VTCN1: variants seen among roughly 807,000 people sequenced by gnomAD.
VTCN1 encodes V-set domain-containing T-cell activation inhibitor 1.
VTCN1 carries 26 observed loss-of-function variants against 26.5 expected under a neutral mutation model. The ratio of observed to expected loss-of-function variants is 0.98; its 90% confidence interval spans 0.72 to 1.36. VTCN1 has a LOEUF of 1.36. Among genes scored for constraint, VTCN1 ranks in the 40% most tolerant of loss-of-function variants. VTCN1 has a pLI of 0.00. For synonymous variants in VTCN1, 116 were observed against 130.7 expected (o/e 0.89, Z 0.77); for missense variants, 298 against 337.7 (o/e 0.88, Z 0.92).
At chr1:117,208,775 G>C (rs1450631355) in intron 1 of VTCN1, among the ~76,000 whole-genome samples, 1 of 152,178 alleles carries the variant, frequency 6.6e-6, no homozygotes, top group Non-Finnish European at 1.5e-5. Flanking sequence ...TTCCATCCCT[G>C]AGCAGCATGC....
rs1647287649 is a variant in VTCN1 at position 117,175,503 on chromosome 1, T to C, written c.33-5332A>G. Among the ~76,000 whole-genome samples the C allele has an allele frequency of 6.6e-6, 1 of 152,186 alleles. No homozygotes were observed. Among genetic ancestry groups the C allele is most frequent in the African/African-American group, 2.4e-5 (1 of 41,458 alleles). On this transcript the variant is annotated intron_variant, in intron 1 of 5. Coordinates refer to ENST00000369458, the MANE Select transcript of VTCN1 (RefSeq NM_024626.4). This position sits in a 1 kb window ranked among gnomAD's most constrained non-coding sequence, Gnocchi z 4.2. ...GATGTTCATTCAAAAAAATTCTTTTTCATAAAATAAAAATAGAACTGAAAG... is the reference window on the plus strand; with the variant it reads ...GATGTTCATTCAAAAAAATTCTTTTCCATAAAATAAAAATAGAACTGAAAG...
intron 2 of VTCN1, 23 bp from the exon 3 acceptor site, chr1:117,156,944 C>G: frequency 6.2e-7 from 1 of 1,613,808 alleles, no homozygotes; most frequent in Non-Finnish European, 8.5e-7. Context: ...AAGCAAAGAT[C>G]AATGCTAAGG....
At chr1:117,163,644 A>G (rs1379041225) in intron 2 of VTCN1, among the ~76,000 whole-genome samples, 3 of 152,180 alleles carry the variant, frequency 2.0e-5, no homozygotes, top group Non-Finnish European at 2.9e-5. Flanking sequence ...TGGCTTGCCG[A>G]ATGCCTTGGA....
chr1:117,145,518 C>T lies in VTCN1; in HGVS notation c.*46-293G>A, dbSNP rs377722205. Among the ~76,000 whole-genome samples, 51 of 152,284 alleles carry T rather than the reference C, an allele frequency of 3.3e-4. No individual in the cohort carries two copies. The highest frequency in any genetic ancestry group is 1.0e-3 in the African/African-American group (43 of 41,560). ...AACTGAGAGGAGTCTGGGCAGGCTC[C>T]TGAATAGAGGTGGAAAGGTGGTTTC... is the stretch of plus-strand genomic sequence containing the variant. On this transcript the variant is annotated intron_variant, in intron 5 of 5. Coordinates refer to ENST00000369458, the MANE Select transcript of VTCN1 (RefSeq NM_024626.4). The surrounding 1 kb of genome is among the most constrained non-coding windows in gnomAD (Gnocchi z 4.6).
intron 4 of VTCN1, among the ~76,000 whole-genome samples, chr1:117,148,509 C>A (rs916271846): frequency 7.9e-5 from 12 of 152,214 alleles, no homozygotes; most frequent in African/African-American, 2.9e-4. Flanking sequence ...GCCAACATCA[C>A]TCAAGCCTAA....
At chr1:117,171,370 G>A (rs558196437) in intron 1 of VTCN1, among the ~76,000 whole-genome samples, 1 of 152,318 alleles carries the variant, frequency 6.6e-6, no homozygotes, top group Non-Finnish European at 1.5e-5. Flanking sequence ...TATATACCCA[G>A]TAATGGGATT....
Position 117,175,626 on chromosome 1 carries a change from T to C in VTCN1, c.33-5455A>G, listed in dbSNP as rs1371892193. On this transcript the variant is annotated intron_variant, in intron 1 of 5. Coordinates refer to ENST00000369458, the MANE Select transcript of VTCN1 (RefSeq NM_024626.4). The surrounding 1 kb of genome is among the most constrained non-coding windows in gnomAD (Gnocchi z 4.2). ...GGCATGTGAACCAACACAACGTCCA[T>C]GTTGTCCTGCCATCATTCCCGTTTT... Among the ~76,000 whole-genome samples the C allele has an allele frequency of 2.6e-5, 4 of 152,224 alleles. No homozygotes were observed. The highest frequency in any genetic ancestry group is 9.6e-5 in the African/African-American group (4 of 41,458).
At chr1:117,158,293 C>A (rs1652192662) in intron 2 of VTCN1, among the ~76,000 whole-genome samples, 1 of 152,230 alleles carries the variant, frequency 6.6e-6, no homozygotes, top group South Asian at 2.1e-4. Flanking sequence ...CCCACTCCTG[C>A]AGCAATCTTC....
chr1:117,162,928 G>A (rs1052488375), intron 2 of VTCN1, among the ~76,000 whole-genome samples: 2 of 152,210 alleles, frequency 1.3e-5, no homozygotes, highest in Non-Finnish European at 2.9e-5. Context: ...GCTGTCCTTT[G>A]AAATGACTCA....
intron 1 of VTCN1, among the ~76,000 whole-genome samples, chr1:117,202,887 G>A (rs1444323185): frequency 1.3e-5 from 2 of 152,220 alleles, no homozygotes; most frequent in Admixed American, 1.3e-4. Flanking sequence ...GAAAAAAAGA[G>A]AGATGGGGTG....
At chr1:117,162,746 A>G in intron 2 of VTCN1, among the ~76,000 whole-genome samples, 1 of 152,146 alleles carries the variant, frequency 6.6e-6, no homozygotes, top group East Asian at 1.9e-4. Flanking sequence ...CAGGGGCAAG[A>G]CGAAACCTGA....
chr1:117,185,428 A>T (rs182640513), intron 1 of VTCN1, among the ~76,000 whole-genome samples: 159 of 152,360 alleles, frequency 1.0e-3, no homozygotes, highest in African/African-American at 1.4e-3. Flanking sequence ...TGTCCTGATC[A>T]GTGCCAAAGT....
intron 4 of VTCN1, among the ~76,000 whole-genome samples, chr1:117,149,343 A>G (rs539432707): frequency 1.3e-5 from 2 of 151,152 alleles, no homozygotes; most frequent in Non-Finnish European, 2.9e-5. Context: ...TATCCTGGGT[A>G]GAAATATCAA....
Position 117,167,965 on chromosome 1 carries a change from A to G in VTCN1, c.97+2142T>C, listed in dbSNP as rs1341411925. Among the ~76,000 whole-genome samples, 1 of 152,142 alleles carries G rather than the reference A, an allele frequency of 6.6e-6. No homozygotes were observed. The highest frequency in any genetic ancestry group is 1.5e-5 in the Non-Finnish European group (1 of 68,020). On this transcript the variant is annotated intron_variant, in intron 2 of 5. Transcript: ENST00000369458. The surrounding 1 kb of genome is among the most constrained non-coding windows in gnomAD (Gnocchi z 4.1). Reference sequence around the variant, plus strand: ...GAGAGAAAGAGAGAGCAGAAGAAAGAAAAAGAGAAAGAGAGAAGACTAGAG... The same window carrying G: ...GAGAGAAAGAGAGAGCAGAAGAAAGGAAAAGAGAAAGAGAGAAGACTAGAG...
chr1:117,210,020 C>T (rs2101616785), intron 1 of VTCN1, among the ~76,000 whole-genome samples: 1 of 152,262 alleles, frequency 6.6e-6, no homozygotes, highest in East Asian at 1.9e-4. Context: ...CAAGTATCAG[C>T]CTCCCTAAAC....
chr1:117,180,117 C>G (rs1381398154), intron 1 of VTCN1, among the ~76,000 whole-genome samples: 1 of 152,118 alleles, frequency 6.6e-6, no homozygotes, highest in Non-Finnish European at 1.5e-5. Flanking sequence ...AAAAATTTCT[C>G]TCCCCCCCAG....
At chr1:117,168,811 GTCTT>G (rs1290775010) in intron 2 of VTCN1, among the ~76,000 whole-genome samples, 1 of 152,072 alleles carries the variant, frequency 6.6e-6, no homozygotes, top group Non-Finnish European at 1.5e-5. Flanking sequence ...GCCCAGGTTG[GTCTT>G]GAACCCTGGC....
At position 117,147,637 on chromosome 1, in the gene VTCN1, CT is replaced by C. The variant is rs1355924606; in HGVS notation, c.*20del. 3 of 1,609,124 alleles carry C rather than the reference CT, an allele frequency of 1.9e-6. No homozygotes were observed. Among genetic ancestry groups the C allele is most frequent in the African/African-American group, 2.7e-5 (2 of 74,518 alleles). ...CCTGTTGTAACAATGACTTTGCATG[CT>C]TTTTTGTGGCCGAGGCACATTATTT... On this transcript the variant is annotated 3_prime_UTR_variant, in exon 5 of 6. Transcript: ENST00000369458. The surrounding 1 kb of genome is among the most constrained non-coding windows in gnomAD (Gnocchi z 4.6).
At chr1:117,173,195 C>T (rs77457286) in intron 1 of VTCN1, 3 of 716,244 alleles carry the variant, frequency 4.2e-6, no homozygotes, top group Non-Finnish European at 7.8e-6. Context: ...ACCGCGAGGT[C>T]AGCGGCTTCA....
Sources: gnomAD v4.1 joint callset for allele counts (sites outside exome capture counted in the v4.1 genomes callset) on GRCh38, gnomAD v4.1.1 for gene constraint, Gnocchi (gnomAD v3.1) non-coding constraint, MANE v1.5 for transcripts, NCBI Gene and HGNC (gene_info 2026-07-23, HGNC 2026-07-21) for gene names.